POU6F2: variants seen among roughly 807,000 people sequenced by gnomAD.
POU6F2 encodes the protein POU domain, class 6, transcription factor 2.
A neutral mutation model predicts 71.3 loss-of-function variants in POU6F2; 31 were observed. That is an observed-to-expected ratio of 0.43 (90% CI 0.33 to 0.59). POU6F2 has a LOEUF of 0.59. POU6F2 is among the 20% of genes least tolerant of loss of function. POU6F2 has a pLI of 0.04. For synonymous variants in POU6F2, 347 were observed against 355.7 expected (o/e 0.98, Z 0.27); for missense variants, 783 against 856.8 (o/e 0.91, Z 1.07).
At chr7:39,334,631 G>A (rs1785727667) in intron 4 of POU6F2, among the ~76,000 whole-genome samples, 1 of 152,116 alleles carries the variant, frequency 6.6e-6, no homozygotes. Context: ...ACTTCCATCT[G>A]CGGGTGCAGG....
chr7:39,222,998 C>T (rs1472254086), intron 4 of POU6F2, among the ~76,000 whole-genome samples: 6 of 152,346 alleles, frequency 3.9e-5, no homozygotes, highest in Middle Eastern at 3.4e-3. Flanking sequence ...TGCCATTTTA[C>T]ATTCCCACCA....
At chr7:39,155,258 T>C (rs1239349589) in intron 2 of POU6F2, among the ~76,000 whole-genome samples, 1 of 77,012 alleles carries the variant, frequency 1.3e-5, no homozygotes, top group Non-Finnish European at 2.6e-5. Context: ...TTTTGGGGGG[T>C]GGGGGTTGGG....
At chr7:39,199,636 GA>G (rs1197083693) in intron 2 of POU6F2, among the ~76,000 whole-genome samples, 1 of 152,186 alleles carries the variant, frequency 6.6e-6, no homozygotes, top group Non-Finnish European at 1.5e-5. Flanking sequence ...GGGCACTGAA[GA>G]AAGGAGTGTC....
intron 1 of POU6F2, among the ~76,000 whole-genome samples, chr7:38,990,912 G>A (rs181619435): frequency 2.4e-4 from 37 of 152,196 alleles, no homozygotes; most frequent in African/African-American, 8.7e-4. Context: ...ACAAGGATAC[G>A]AGTTGGAGAT....
chr7:39,115,337 C>A (rs1477206152), intron 2 of POU6F2, among the ~76,000 whole-genome samples: 1 of 151,964 alleles, frequency 6.6e-6, no homozygotes, highest in African/African-American at 2.4e-5. Context: ...ACCTTCAAAA[C>A]TTATTTATTT....
intron 5 of POU6F2, among the ~76,000 whole-genome samples, chr7:39,353,295 G>A (rs184110661): frequency 1.1e-4 from 17 of 152,286 alleles, no homozygotes; most frequent in African/African-American, 3.6e-4. Context: ...TGCATGGGTT[G>A]ACCTAAAAGA....
chr7:39,210,574 A>G (rs780854392), intron 4 of POU6F2, among the ~76,000 whole-genome samples: 13 of 152,168 alleles, frequency 8.5e-5, no homozygotes, highest in Non-Finnish European at 1.8e-4. Flanking sequence ...TGATTTACAC[A>G]TGTATTTTAA....
intron 2 of POU6F2, among the ~76,000 whole-genome samples, chr7:39,116,244 G>A (rs1791926555): frequency 6.6e-6 from 1 of 152,088 alleles, no homozygotes; most frequent in African/African-American, 2.4e-5. Context: ...AATTATCTGG[G>A]CATGGTGGCA....
chr7:38,981,472 G>C (rs1292100222), intron 1 of POU6F2, among the ~76,000 whole-genome samples: 1 of 152,174 alleles, frequency 6.6e-6, no homozygotes, highest in Non-Finnish European at 1.5e-5. Flanking sequence ...CACGTCTATA[G>C]ACTGACTTTT....
At chr7:39,164,835 G>C (rs13310990) in intron 2 of POU6F2, among the ~76,000 whole-genome samples, 6,899 of 152,156 alleles carry the variant, frequency 0.045, 216 homozygotes, top group Middle Eastern at 0.082. Context: ...TTTACGGCAG[G>C]CTTTACAAGG....
rs115762209 is a variant in POU6F2, at chr7:39,394,459, A to G, written c.973-12141A>G. Among the ~76,000 whole-genome samples, 872 of 152,254 alleles carry G rather than the reference A, an allele frequency of 5.7e-3. 2 individuals are homozygous for G. The highest frequency in any genetic ancestry group is 0.02 in the African/African-American group (824 of 41,544). On this transcript the variant is annotated intron_variant, in intron 5 of 9. Transcript: ENST00000518318. ...GTGAACATTGAGGTGTTTTCATAAC[A>G]ACAGCCTGCAGGGGAAACGCTCTGT...
chr7:39,086,351 G>A (rs563916600), intron 2 of POU6F2, among the ~76,000 whole-genome samples: 1 of 152,152 alleles, frequency 6.6e-6, no homozygotes, highest in Non-Finnish European at 1.5e-5. Context: ...GTGAGAATTG[G>A]TTAACATTTA....
intron 2 of POU6F2, among the ~76,000 whole-genome samples, chr7:39,164,908 A>G (rs1793080309): frequency 6.6e-6 from 1 of 152,140 alleles, no homozygotes; most frequent in Non-Finnish European, 1.5e-5. Flanking sequence ...TCCATTCCCA[A>G]GTCTGCATTA....
intron 1 of POU6F2, chr7:39,034,560 C>G (rs1562679503): frequency 2.8e-6 from 1 of 356,918 alleles, no homozygotes; most frequent in Non-Finnish European, 6.1e-6. Flanking sequence ...TCGCTCTGGG[C>G]TTTGATGCTG....
At chr7:39,256,246 C>T (rs1784019673) in intron 4 of POU6F2, among the ~76,000 whole-genome samples, 1 of 152,012 alleles carries the variant, frequency 6.6e-6, no homozygotes, top group African/African-American at 2.4e-5. Context: ...ACCTTGCACA[C>T]AGCAGGCCCT....
intron 5 of POU6F2, among the ~76,000 whole-genome samples, chr7:39,342,544 T>C (rs1361778019): frequency 6.6e-6 from 1 of 152,224 alleles, no homozygotes; most frequent in African/African-American, 2.4e-5. Flanking sequence ...TGGAGAGATA[T>C]TAGTTTAGAA....
chr7:39,005,752 C>T (rs1789047384), intron 1 of POU6F2, among the ~76,000 whole-genome samples: 1 of 152,072 alleles, frequency 6.6e-6, no homozygotes, highest in South Asian at 2.1e-4. Context: ...TTGGCACTGA[C>T]TTTCCTAGAC....
At chr7:39,283,971 G>T (rs1398940024) in intron 4 of POU6F2, among the ~76,000 whole-genome samples, 2 of 152,140 alleles carry the variant, frequency 1.3e-5, no homozygotes, top group African/African-American at 4.8e-5. Context: ...TAAGTGATTT[G>T]CTTAAGCACA....
chr7:39,341,961 T>G (rs1043304828), intron 5 of POU6F2, among the ~76,000 whole-genome samples: 5 of 152,258 alleles, frequency 3.3e-5, no homozygotes, highest in Non-Finnish European at 4.4e-5. Context: ...GTTTGTTTTG[T>G]TTTGGTTTTG....
Sources: allele counts gnomAD v4.1 joint callset (sites outside exome capture counted in the v4.1 genomes callset), GRCh38; gene constraint gnomAD v4.1.1; transcripts MANE v1.5; gene names NCBI Gene and HGNC (gene_info 2026-07-23, HGNC 2026-07-21).